The following PLA2G4C variants were observed in gnomAD, a reference collection of about 807,000 sequenced individuals.
PLA2G4C encodes cytosolic phospholipase A2 gamma.
PLA2G4C carries 64 observed loss-of-function variants against 73.8 expected under a neutral mutation model. That is an observed-to-expected ratio of 0.87 (90% CI 0.71 to 1.07). PLA2G4C has a LOEUF of 1.07. Ranked by LOEUF, PLA2G4C falls within the 50% of genes least tolerant of loss-of-function variation. PLA2G4C has a pLI of 0.00. For missense variants in PLA2G4C, 622 were observed against 665.4 expected (o/e 0.93, Z 0.72); for synonymous variants, 254 against 252.1 (o/e 1.01, Z -0.07).
chr19:48,075,576 C>T (rs573869345), intron 11 of PLA2G4C, among the ~76,000 whole-genome samples: 54 of 152,230 alleles, frequency 3.5e-4, no homozygotes, highest in African/African-American at 1.3e-3. Context: ...GCTCTGCTCA[C>T]GTTTGCTGAG....
At chr19:48,063,610 C>G (rs921830759) in intron 13 of PLA2G4C, among the ~76,000 whole-genome samples, 3 of 141,638 alleles carry the variant, frequency 2.1e-5, no homozygotes, top group African/African-American at 8.0e-5. Flanking sequence ...TCCTACCCCC[C>G]CACAACACCA....
intron 1 of PLA2G4C, among the ~76,000 whole-genome samples, chr19:48,110,075 C>T (rs1326616133): frequency 6.7e-6 from 1 of 148,466 alleles, no homozygotes; most frequent in Non-Finnish European, 1.5e-5. Context: ...TAGCCGGGCG[C>T]GGTGGCTCAC....
chr19:48,048,182 C>T lies in PLA2G4C; in HGVS notation c.*161G>A. ...CTTCTGAATGACGCTATCAAAATCA[C>T]AGTCTAGCTGGTCACTGGTGATTGG... is the stretch of plus-strand genomic sequence containing the variant. On this transcript the variant is annotated 3_prime_UTR_variant, in exon 17 of 17. Transcript: ENST00000599921. The T allele has an allele frequency of 1.7e-6, 1 of 587,922 alleles. No individual in the cohort carries two copies. Among genetic ancestry groups the T allele is most frequent in the Non-Finnish European group, 3.0e-6 (1 of 336,750 alleles). The allele number at this position is 587,922 out of a possible 1,614,324, so 36.4% of individuals were successfully genotyped here.
Position 48,110,531 on chromosome 19 carries a change from T to TGCTCCGGAATACGGTGCGGAGGCTTGG in PLA2G4C, c.-78_-77insCCAAGCCTCCGCACCGTATTCCGGAGC. 4.3e-6 allele frequency: 6 copies of TGCTCCGGAATACGGTGCGGAGGCTTGG among 1,386,152 alleles called. No individual in the cohort carries two copies. The highest frequency in any genetic ancestry group is 4.8e-6 in the Non-Finnish European group (5 of 1,049,478). The allele number at this position is 1,386,152 out of a possible 1,614,324, so 85.9% of individuals were successfully genotyped here. On this transcript the variant is annotated 5_prime_UTR_variant, in exon 1 of 17. Transcript: ENST00000599921. ...GTGTGCGCATGCGCGGTGGAGCTTGTGCTCCGGAATCCGGTGCGGAGGCTT... is the reference window on the plus strand; with the variant it reads ...GTGTGCGCATGCGCGGTGGAGCTTGTGCTCCGGAATACGGTGCGGAGGCTTGGGCTCCGGAATCCGGTGCGGAGGCTT...
intron 1 of PLA2G4C, chr19:48,108,667 G>A (rs2032346122): frequency 1.3e-5 from 2 of 152,260 alleles, no homozygotes; most frequent in Non-Finnish European, 2.9e-5. Context: ...AGTGGCTCAT[G>A]GCTGTAATCC....
At chr19:48,095,709 G>A in intron 6 of PLA2G4C, 105 bp from the exon 7 acceptor site, 1 of 1,135,282 alleles carries the variant, frequency 8.8e-7, no homozygotes, top group Non-Finnish European at 1.3e-6. Flanking sequence ...ACCATGACAG[G>A]AGAATGTTAG....
chr19:48,080,291 C>A (rs1242177231), intron 10 of PLA2G4C, among the ~76,000 whole-genome samples: 3 of 152,084 alleles, frequency 2.0e-5, no homozygotes, highest in Admixed American at 1.3e-4. Context: ...CATCTTACTC[C>A]CACAAGAATG....
At chr19:48,069,921 C>T (rs565544584) in intron 12 of PLA2G4C, among the ~76,000 whole-genome samples, 10 of 152,214 alleles carry the variant, frequency 6.6e-5, no homozygotes, top group African/African-American at 2.2e-4. Flanking sequence ...CCCACCACTA[C>T]GCCCGGCTAA....
rs199704943 is a variant in PLA2G4C, at chr19:48,106,561, C to T, written c.-32G>A. ...CTGCGGTCAGAAAATTCTCAGTCCT[C>T]CTGCCAAAGAAATGGCTCTTCTTAG... On this transcript the variant is annotated splice_region_variant and 5_prime_UTR_variant, in exon 2 of 17. Coordinates refer to ENST00000599921, the MANE Select transcript of PLA2G4C (RefSeq NM_003706.3). The T allele has an allele frequency of 9.9e-6, 16 of 1,612,970 alleles. No homozygotes were observed. The highest frequency in any genetic ancestry group is 6.7e-5 in the East Asian group (3 of 44,860).
chr19:48,095,700 C>T lies in PLA2G4C; in HGVS notation c.569-96G>A, dbSNP rs1044589812. The T allele has an allele frequency of 6.4e-6, 8 of 1,250,518 alleles. No individual in the cohort carries two copies. The African/African-American group carries it at 7.4e-5, about 12-fold the overall frequency. The allele number at this position is 1,250,518 out of a possible 1,614,324, so 77.5% of individuals were successfully genotyped here. On this transcript the variant is annotated intron_variant, in intron 6 of 16. Transcript: ENST00000599921. ...GAAATCTATTAATGAGGAATTACAA[C>T]CATGACAGGAGAATGTTAGAGATGG... is the stretch of plus-strand genomic sequence containing the variant.
intron 1 of PLA2G4C, among the ~76,000 whole-genome samples, chr19:48,107,873 T>G (rs933355940): frequency 6.6e-6 from 1 of 152,194 alleles, no homozygotes; most frequent in Non-Finnish European, 1.5e-5. Flanking sequence ...AAAGAAATAA[T>G]GACATAAGCT....
rs1343092721 is a variant in PLA2G4C at position 48,074,842 on chromosome 19, T to A, written c.931A>T (p.Thr311Ser). 1 of 1,612,436 alleles carries A rather than the reference T, an allele frequency of 6.2e-7. No individual in the cohort carries two copies. ...EGGEPEHTWL[T>S]EMLENWTRTS... ...CTGGTCCAATTCTCGAGCATCTCAG[T>A]CAGCCAGGTGTGTTCAGGCTCACCG... is the stretch of plus-strand genomic sequence containing the variant. The change falls in exon 12 of 17, where the codon ACT becomes TCT. Residue 311 changes from threonine (T) to serine (S), a missense_variant. Coordinates refer to ENST00000599921, the MANE Select transcript of PLA2G4C (RefSeq NM_003706.3).
intron 11 of PLA2G4C, 124 bp from the exon 12 acceptor site, chr19:48,074,998 C>T (rs2030043042): frequency 1.7e-6 from 1 of 600,920 alleles, no homozygotes; most frequent in South Asian, 2.1e-5. Context: ...CCTCCTTCTC[C>T]AGGTGACCCT....
chr19:48,066,787 A>G (rs1045753147), intron 13 of PLA2G4C, among the ~76,000 whole-genome samples: 4 of 151,890 alleles, frequency 2.6e-5, no homozygotes, highest in Admixed American at 1.3e-4. Context: ...CAACATAGTG[A>G]GACCCCATCT....
At chr19:48,067,911 A>G in intron 12 of PLA2G4C, 25 bp from the exon 13 acceptor site, 2 of 1,533,080 alleles carry the variant, frequency 1.3e-6, no homozygotes, top group Non-Finnish European at 1.8e-6. Context: ...CGAGACAGCC[A>G]AGGTGAGTTC....
intron 11 of PLA2G4C, among the ~76,000 whole-genome samples, chr19:48,077,287 A>G (rs970932707): frequency 2.0e-5 from 3 of 152,172 alleles, no homozygotes; most frequent in Non-Finnish European, 4.4e-5. Context: ...GCACTGCTAT[A>G]CACCAACAAT....
In PLA2G4C at chr19:48,081,495, T is replaced by C. The variant is rs192491790; in HGVS notation, c.844+3564A>G. Among the ~76,000 whole-genome samples the C allele has an allele frequency of 2.0e-3, 301 of 152,034 alleles. 1 individual carries two copies. The highest frequency in any genetic ancestry group is 6.6e-3 in the African/African-American group (272 of 41,474). On this transcript the variant is annotated intron_variant, in intron 10 of 16. Transcript: ENST00000599921. ...CATTGGGGCCAGGAGTGGTGGGTCA[T>C]GCCTGTAATCCCGGCACTTTGGGAG...
intron 13 of PLA2G4C, 48 bp from the exon 14 acceptor site, chr19:48,062,200 A>C: frequency 6.7e-7 from 1 of 1,487,294 alleles, no homozygotes; most frequent in Non-Finnish European, 9.0e-7. Context: ...GGGGACTGAA[A>C]GCAAGACTTG....
intron 16 of PLA2G4C, among the ~76,000 whole-genome samples, chr19:48,051,475 C>A (rs750165050): frequency 1.6e-4 from 25 of 152,248 alleles, no homozygotes; most frequent in Non-Finnish European, 3.2e-4. Flanking sequence ...CTTTTAGTTG[C>A]AAAACCGCAA....
Sources: allele counts gnomAD v4.1 joint callset (sites outside exome capture counted in the v4.1 genomes callset), GRCh38; gene constraint gnomAD v4.1.1; transcripts MANE v1.5; gene names NCBI Gene and HGNC (gene_info 2026-07-23, HGNC 2026-07-21).